The following STXBP5L variants were observed in gnomAD, a reference collection of about 807,000 sequenced individuals.
The protein encoded by STXBP5L is syntaxin binding protein 5L.
STXBP5L carries 65 observed loss-of-function variants against 144.5 expected under a neutral mutation model. That is an observed-to-expected ratio of 0.45 (90% CI 0.37 to 0.55). STXBP5L has a LOEUF of 0.55. Ranked by LOEUF, STXBP5L falls within the 20% of genes least tolerant of loss-of-function variation. STXBP5L has a pLI of 0.00. For synonymous variants in STXBP5L, 505 were observed against 469.6 expected (o/e 1.08, Z -0.97); for missense variants, 1,298 against 1,405.5 (o/e 0.92, Z 1.22).
At chr3:121,007,743 C>T (rs374101886) in intron 3 of STXBP5L, among the ~76,000 whole-genome samples, 3 of 152,020 alleles carry the variant, frequency 2.0e-5, no homozygotes, top group East Asian at 3.9e-4. Flanking sequence ...GTAGTTGAAG[C>T]TTGCACTGCT....
chr3:121,349,743 G>A (rs985344735), intron 20 of STXBP5L, among the ~76,000 whole-genome samples: 1 of 151,910 alleles, frequency 6.6e-6, no homozygotes, highest in African/African-American at 2.4e-5. Flanking sequence ...ATCTTTCTTG[G>A]TTTAAAGTCT....
At chr3:121,231,336 A>G (rs573744803) in intron 11 of STXBP5L, among the ~76,000 whole-genome samples, 11 of 152,180 alleles carry the variant, frequency 7.2e-5, no homozygotes, top group Non-Finnish European at 1.5e-4. Context: ...TAAGATGATT[A>G]AATGCCTTAA....
intron 20 of STXBP5L, among the ~76,000 whole-genome samples, chr3:121,349,972 T>C (rs1224684138): frequency 6.6e-6 from 1 of 152,136 alleles, no homozygotes; most frequent in Non-Finnish European, 1.5e-5. Context: ...AAGGTTAATA[T>C]TGTTATGTGT....
intron 20 of STXBP5L, among the ~76,000 whole-genome samples, chr3:121,358,703 T>A (rs1052162815): frequency 9.2e-5 from 14 of 152,190 alleles, no homozygotes; most frequent in Non-Finnish European, 2.1e-4. Context: ...TGAGTTTAAT[T>A]GATTTTATTT....
intron 3 of STXBP5L, among the ~76,000 whole-genome samples, chr3:120,999,009 T>A (rs557949566): frequency 5.9e-5 from 9 of 152,284 alleles, no homozygotes; most frequent in Non-Finnish European, 1.2e-4. Context: ...TTAATTTTCA[T>A]ATAATTGTAT....
At chr3:121,263,976 TC>T (rs919033116) in intron 18 of STXBP5L, among the ~76,000 whole-genome samples, 1 of 152,040 alleles carries the variant, frequency 6.6e-6, no homozygotes. Context: ...ACAAAGATAC[TC>T]CTTGAGAGAG....
intron 22 of STXBP5L, 68 bp downstream of exon 22, chr3:121,381,600 CA>C (rs2046326343): frequency 6.4e-7 from 1 of 1,551,640 alleles, no homozygotes; most frequent in Non-Finnish European, 8.6e-7. Flanking sequence ...GTATTATAAA[CA>C]TAAATTTGTA....
chr3:121,353,752 C>G (rs1334861761), intron 20 of STXBP5L, among the ~76,000 whole-genome samples: 1 of 152,152 alleles, frequency 6.6e-6, no homozygotes, highest in East Asian at 1.9e-4. Context: ...TCTTGCTTCT[C>G]TAGCTCTTTT....
chr3:120,972,428 A>G (rs1336588071), intron 3 of STXBP5L, among the ~76,000 whole-genome samples: 1 of 152,060 alleles, frequency 6.6e-6, no homozygotes, highest in East Asian at 1.9e-4. Flanking sequence ...TTATATTCTG[A>G]AACTTTACTG....
At chr3:120,959,443 A>G (rs1439404341) in intron 3 of STXBP5L, among the ~76,000 whole-genome samples, 3 of 152,228 alleles carry the variant, frequency 2.0e-5, no homozygotes, top group African/African-American at 7.2e-5. Flanking sequence ...CACATTGCCA[A>G]GTCAATCCTA....
chr3:121,331,807 G>GA (rs1175414284), intron 20 of STXBP5L, among the ~76,000 whole-genome samples: 1 of 152,154 alleles, frequency 6.6e-6, no homozygotes, highest in East Asian at 1.9e-4. Context: ...AAATGTTGGG[G>GA]AAAAAAATAA....
At chr3:121,282,080 C>T (rs759015973) in intron 19 of STXBP5L, among the ~76,000 whole-genome samples, 9 of 151,538 alleles carry the variant, frequency 5.9e-5, no homozygotes, top group South Asian at 2.1e-4. Flanking sequence ...ATTCATCTAT[C>T]GCCTCTTACT....
intron 11 of STXBP5L, among the ~76,000 whole-genome samples, chr3:121,229,652 C>T (rs1256893085): frequency 6.6e-6 from 1 of 152,072 alleles, no homozygotes; most frequent in Non-Finnish European, 1.5e-5. Flanking sequence ...AACTCCTGGG[C>T]TCAAGCAATC....
At chr3:121,063,607 A>G (rs1340090721) in intron 5 of STXBP5L, among the ~76,000 whole-genome samples, 1 of 152,180 alleles carries the variant, frequency 6.6e-6, no homozygotes, top group Middle Eastern at 3.2e-3. Context: ...TCCTTCCTCC[A>G]GGTGCTCTGT....
chr3:121,090,807 T>C (rs1022221513), intron 5 of STXBP5L, among the ~76,000 whole-genome samples: 9 of 152,164 alleles, frequency 5.9e-5, no homozygotes, highest in Non-Finnish European at 1.2e-4. Context: ...CTTTAAGTTT[T>C]AGGGTACATG....
At chr3:120,980,889 C>G (rs1193055899) in intron 3 of STXBP5L, among the ~76,000 whole-genome samples, 1 of 152,096 alleles carries the variant, frequency 6.6e-6, no homozygotes, top group Non-Finnish European at 1.5e-5. Context: ...TCTTGTATAG[C>G]TGGTCTAGTA....
At chr3:120,982,444 A>G (rs1316631696) in intron 3 of STXBP5L, among the ~76,000 whole-genome samples, 1 of 152,186 alleles carries the variant, frequency 6.6e-6, no homozygotes, top group East Asian at 1.9e-4. Context: ...AGTTGGCTGC[A>G]CCAGCTTCAC....
intron 3 of STXBP5L, among the ~76,000 whole-genome samples, chr3:121,006,668 T>A (rs1051253212): frequency 6.6e-6 from 1 of 152,196 alleles, no homozygotes; most frequent in Non-Finnish European, 1.5e-5. Context: ...CAATTTGGCA[T>A]GTTTTTGCAG....
At chr3:121,139,124 C>A (rs990855883) in intron 7 of STXBP5L, among the ~76,000 whole-genome samples, 3 of 151,798 alleles carry the variant, frequency 2.0e-5, no homozygotes, top group Non-Finnish European at 4.4e-5. Context: ...GGTTAATGGA[C>A]ACAAAATTAC....
Sources: allele counts gnomAD v4.1 joint callset (sites outside exome capture counted in the v4.1 genomes callset), GRCh38; gene constraint gnomAD v4.1.1; transcripts MANE v1.5; gene names NCBI Gene and HGNC (gene_info 2026-07-23, HGNC 2026-07-21).